The following CCDC88C variants were observed in gnomAD, a reference collection of about 807,000 sequenced individuals.
The protein encoded by CCDC88C is coiled-coil and HOOK domain protein 88C, also known as protein Daple.
In CCDC88C, 131 loss-of-function variants were observed where a neutral mutation model predicts 198.8. The observed-to-expected ratio is 0.66, with a 90% CI of 0.57 to 0.76. CCDC88C has a LOEUF of 0.76. CCDC88C is among the 30% of genes least tolerant of loss of function. The pLI, the probability that CCDC88C is intolerant of heterozygous loss-of-function variation, is 0.00. For synonymous variants in CCDC88C, 1,166 were observed against 1,114.7 expected, an observed-to-expected ratio of 1.05 and a Z score of -0.92; for missense variants, 2,553 against 2,631.6, an observed-to-expected ratio of 0.97 and a Z score of 0.65.
At chr14:91,355,936 G>T (rs745893546) in intron 4 of CCDC88C, among the ~76,000 whole-genome samples, 1 of 152,014 alleles carries the variant, frequency 6.6e-6, no homozygotes, top group African/African-American at 2.4e-5. Flanking sequence ...AAACAGAAAA[G>T]TTACCCCAAA....
At chr14:91,359,501 C>A in intron 4 of CCDC88C, 141 bp downstream of exon 4, 1 of 678,304 alleles carries the variant, frequency 1.5e-6, no homozygotes, top group South Asian at 1.8e-5. Context: ...AATGAACCCA[C>A]TCTTTAAAAT....
In CCDC88C at chr14:91,417,652, C is replaced by T; in HGVS notation, c.39G>A (p.Leu13=). The change falls in exon 1 of 30, where the codon CTG becomes CTA. Residue 13 remains leucine (L), a synonymous_variant. Transcript: ENST00000389857. ...TCACCCAGGTCACCAGCGGGCTCTGCAGGAAGAGCTCCAGGAGCTCCGAGA... is the reference window on the plus strand; with the variant it reads ...TCACCCAGGTCACCAGCGGGCTCTGTAGGAAGAGCTCCAGGAGCTCCGAGA... The part of the protein sequence containing the change: ...VTVSELLELF[L]QSPLVTWVKT... 3.1e-6 allele frequency: 5 copies of T among 1,590,084 alleles called. No homozygotes were observed. Among genetic ancestry groups the T allele is most frequent in the Non-Finnish European group, 4.3e-6 (5 of 1,170,932 alleles).
intron 22 of CCDC88C, among the ~76,000 whole-genome samples, chr14:91,296,832 G>A (rs990029982): frequency 1.3e-5 from 2 of 152,316 alleles, no homozygotes; most frequent in East Asian, 3.9e-4. Flanking sequence ...CTCATCTGGA[G>A]AGGGTCTTGC....
At chr14:91,408,854 C>A in intron 2 of CCDC88C, 87 bp from the exon 3 acceptor site, 2 of 838,726 alleles carry the variant, frequency 2.4e-6, no homozygotes, top group East Asian at 5.1e-5. Flanking sequence ...ATCTTGTCCT[C>A]CAGTCCCTAG....
At chr14:91,373,559 G>A (rs1349360578) in intron 3 of CCDC88C, among the ~76,000 whole-genome samples, 1 of 152,128 alleles carries the variant, frequency 6.6e-6, no homozygotes, top group Non-Finnish European at 1.5e-5. Context: ...ATGCAAACTG[G>A]TCTCTTTTCA....
At position 91,338,625 on chromosome 14, in the gene CCDC88C, C is replaced by T. The variant is rs1174626398; in HGVS notation, c.810-55G>A. The stretch of plus-strand genomic sequence containing the variant: ...GGAGGCAGCTTCCTCAACAAGCAGC[C>T]CTGGGAGCAGGCTGCCACTTCCTAA... On this transcript the variant is annotated intron_variant, in intron 8 of 29. Coordinates refer to ENST00000389857, the MANE Select transcript of CCDC88C (RefSeq NM_001080414.4). This position sits in a 1 kb window ranked among gnomAD's most constrained non-coding sequence, Gnocchi z 4.8. 2.5e-5 allele frequency: 34 copies of T among 1,365,242 alleles called. No homozygotes were observed. The East Asian group carries it at 8.0e-4, about 32-fold the overall frequency. The allele number at this position is 1,365,242 out of a possible 1,614,324, so 84.6% of individuals were successfully genotyped here.
chr14:91,401,357 C>T (rs941777162), intron 3 of CCDC88C, among the ~76,000 whole-genome samples: 3 of 118,686 alleles, frequency 2.5e-5, no homozygotes, highest in Non-Finnish European at 5.6e-5. Flanking sequence ...TTTTTTGAGA[C>T]GGAGCCTTAC....
chr14:91,350,428 C>T (rs1444751140), intron 4 of CCDC88C, among the ~76,000 whole-genome samples: 2 of 152,298 alleles, frequency 1.3e-5, no homozygotes, highest in African/African-American at 4.8e-5. Context: ...TCCCAAAGTG[C>T]CGGGATTACA....
intron 3 of CCDC88C, among the ~76,000 whole-genome samples, chr14:91,376,661 G>A (rs1385169789): frequency 6.6e-6 from 1 of 152,236 alleles, no homozygotes; most frequent in Non-Finnish European, 1.5e-5. Context: ...GCAGAGAGCA[G>A]AGATGCGGAA....
intron 13 of CCDC88C, 82 bp downstream of exon 13, chr14:91,321,038 G>T: frequency 7.4e-7 from 1 of 1,357,516 alleles, no homozygotes; most frequent in Non-Finnish European, 9.9e-7. Context: ...CTCCTTGTCT[G>T]TGCTCCAGAC....
At chr14:91,406,321 C>A (rs1442975152) in intron 3 of CCDC88C, among the ~76,000 whole-genome samples, 2 of 152,168 alleles carry the variant, frequency 1.3e-5, no homozygotes, top group African/African-American at 4.8e-5. Flanking sequence ...CTGCCCCATG[C>A]TACTCACAAA....
chr14:91,406,438 G>A (rs61988438), intron 3 of CCDC88C, among the ~76,000 whole-genome samples: 25,661 of 152,228 alleles, frequency 0.17, 2,748 homozygotes, highest in Non-Finnish European at 0.25. Context: ...CCTGCCCAGT[G>A]CTATACCACT....
chr14:91,339,594 T>C lies in CCDC88C; in HGVS notation c.625-132A>G. ...GGAGACTAAGAAACGAGGAGGAAGG[T>C]GGGAAAAGGCTGGCATGGGTTTTGA... On this transcript the variant is annotated intron_variant, in intron 7 of 29. Transcript: ENST00000389857. The surrounding 1 kb of genome is among the most constrained non-coding windows in gnomAD (Gnocchi z 5.8). The C allele has an allele frequency of 1.1e-6, 1 of 948,138 alleles. No homozygotes were observed. Among genetic ancestry groups the C allele is most frequent in the Admixed American group, 2.8e-5 (1 of 35,212 alleles). 58.7% of individuals were successfully genotyped at this position (948,138 alleles called of 1,614,324 possible).
chr14:91,276,294 G>C (rs983642246), intron 29 of CCDC88C, among the ~76,000 whole-genome samples: 25 of 152,380 alleles, frequency 1.6e-4, no homozygotes, highest in Non-Finnish European at 4.4e-5. Context: ...GCCTGAGTTT[G>C]AGAACCACAA....
chr14:91,281,617 T>A, intron 26 of CCDC88C, 92 bp from the exon 27 acceptor site: 2 of 1,060,416 alleles, frequency 1.9e-6, no homozygotes, highest in Non-Finnish European at 2.9e-6. Context: ...CGGATCCCAG[T>A]AGCTCCAGCT....
At chr14:91,374,276 T>A (rs568748429) in intron 3 of CCDC88C, among the ~76,000 whole-genome samples, 2 of 152,370 alleles carry the variant, frequency 1.3e-5, no homozygotes, top group Admixed American at 1.3e-4. Flanking sequence ...ACTGTGTCTA[T>A]TACCTCTCAT....
chr14:91,370,641 G>A (rs1488039416), intron 3 of CCDC88C, among the ~76,000 whole-genome samples: 11 of 152,332 alleles, frequency 7.2e-5, no homozygotes, highest in Non-Finnish European at 1.2e-4. Context: ...CATTTTACAA[G>A]AGGAATGCAA....
In CCDC88C at chr14:91,277,932, G is replaced by A. The variant is rs763385811; in HGVS notation, c.5048C>T (p.Ser1683Phe). The A allele has an allele frequency of 1.7e-5, 26 of 1,506,668 alleles. No homozygotes were observed. Among genetic ancestry groups the A allele is most frequent in the South Asian group, 2.5e-5 (2 of 78,646 alleles). 93.3% of individuals were successfully genotyped at this position (1,506,668 alleles called of 1,614,324 possible). A position where few individuals can be genotyped will look rare whatever the true frequency, so the allele number is the denominator to read the frequency against. ...GTCCGGATCACTCACATGGGTGGGG[G>A]AGCTGCGGTTGCTCTCCTCCAGGAA... is the stretch of plus-strand genomic sequence containing the variant. ...EEFLEESNRS[S>F]PTHDTPSCRD... The change falls in exon 29 of 30, where the codon TCC becomes TTC. Residue 1683 changes from serine (S) to phenylalanine (F), a missense_variant. By Grantham distance (155) the Ser-to-Phe change is radical. This residue lies in a region of CCDC88C where 1,293 missense variants were observed against 1,219.6 expected (regional missense o/e 1.06). Transcript: ENST00000389857.
chr14:91,385,111 C>T (rs1885047919), intron 3 of CCDC88C, among the ~76,000 whole-genome samples: 1 of 152,182 alleles, frequency 6.6e-6, no homozygotes, highest in Non-Finnish European at 1.5e-5. Flanking sequence ...ACACAGCACG[C>T]TCAGGTAGTT....
Sources: gnomAD v4.1 joint callset for allele counts (sites outside exome capture counted in the v4.1 genomes callset) on GRCh38, gnomAD v4.1.1 for gene constraint, gnomAD v4.1.1 regional missense constraint, Gnocchi (gnomAD v3.1) non-coding constraint, MANE v1.5 for transcripts, NCBI Gene and HGNC (gene_info 2026-07-23, HGNC 2026-07-21) for gene names.